PCDH15: variants seen among roughly 807,000 people sequenced by gnomAD.
The protein encoded by PCDH15 is protocadherin-15.
In PCDH15, 129 loss-of-function variants were observed where a neutral mutation model predicts 178.5. The ratio of observed to expected loss-of-function variants is 0.72; its 90% CI spans 0.63 to 0.84. The LOEUF is 0.84. PCDH15 is among the 40% of genes least tolerant of loss of function. The probability of loss-of-function intolerance (pLI) is 0.00; values close to 1 mark genes in which losing one functional copy is unlikely to be tolerated. For synonymous variants in PCDH15, 800 were observed against 732.0 expected (o/e 1.09, Z -1.50); for missense variants, 2,230 against 2,099.9 (o/e 1.06, Z -1.21).
At chr10:55,197,212 A>T (rs1007627034) in intron 1 of PCDH15, among the ~76,000 whole-genome samples, 3 of 152,040 alleles carry the variant, frequency 2.0e-5, no homozygotes, top group African/African-American at 7.2e-5. Context: ...AGCACTATTC[A>T]TTTATATCAC....
At position 54,794,838 on chromosome 10, in the gene PCDH15, A is replaced by G. The variant is rs143236565; in HGVS notation, c.-29+6087T>C. ...AAACCAAACTCTTGCATTCATTCCTAGATTGCTTTTTTTAAAACATAGTCA... is the reference window on the plus strand; with the variant it reads ...AAACCAAACTCTTGCATTCATTCCTGGATTGCTTTTTTTAAAACATAGTCA... On this transcript the variant is annotated intron_variant, in intron 1 of 37. Transcript: ENST00000644397. 6.7e-3 allele frequency among the ~76,000 whole-genome samples: 1,022 copies of G among 152,002 alleles called. 14 individuals carry two copies. Among genetic ancestry groups the G allele is most frequent in the African/African-American group, 0.024 (977 of 41,520 alleles).
At chr10:54,968,595 G>A (rs1387131510) in intron 2 of PCDH15, among the ~76,000 whole-genome samples, 1 of 151,986 alleles carries the variant, frequency 6.6e-6, no homozygotes, top group Non-Finnish European at 1.5e-5. Flanking sequence ...TTTTTATTAT[G>A]ATGTGTCTTA....
intron 13 of PCDH15, among the ~76,000 whole-genome samples, chr10:54,155,992 T>C (rs1049473781): frequency 3.7e-4 from 56 of 152,220 alleles, no homozygotes; most frequent in African/African-American, 1.3e-3. Context: ...ATGAAGCTCA[T>C]TTCTAATTTA....
chr10:54,307,060 A>G (rs1253201301), intron 8 of PCDH15, among the ~76,000 whole-genome samples: 1 of 9,056 alleles, frequency 1.1e-4, no homozygotes, highest in African/African-American at 4.1e-4. Context: ...ATATATATAT[A>G]TATATATATA....
chr10:54,746,675 T>C (rs371142149), intron 1 of PCDH15, among the ~76,000 whole-genome samples: 1 of 152,162 alleles, frequency 6.6e-6, no homozygotes, highest in African/African-American at 2.4e-5. Flanking sequence ...ATCTTAGTGG[T>C]CACAACCAGT....
chr10:54,189,062 G>T (rs952903366), intron 11 of PCDH15, among the ~76,000 whole-genome samples: 1 of 151,874 alleles, frequency 6.6e-6, no homozygotes, highest in African/African-American at 2.4e-5. Flanking sequence ...TGTGGACTGA[G>T]AAAACATTAA....
At chr10:54,421,798 G>T (rs1955412227) in intron 3 of PCDH15, among the ~76,000 whole-genome samples, 6 of 113,548 alleles carry the variant, frequency 5.3e-5, no homozygotes, top group Admixed American at 2.8e-4. Context: ...CATTTATATA[G>T]GTACATGTGT....
At chr10:54,816,466 A>G (rs1191683637) in intron 3 of PCDH15, among the ~76,000 whole-genome samples, 1 of 152,106 alleles carries the variant, frequency 6.6e-6, no homozygotes, top group Non-Finnish European at 1.5e-5. Flanking sequence ...AAGAAAGCCA[A>G]CATAAATCAC....
intron 1 of PCDH15, among the ~76,000 whole-genome samples, chr10:54,797,598 T>C (rs1372096215): frequency 6.6e-6 from 1 of 151,898 alleles, no homozygotes; most frequent in Non-Finnish European, 1.5e-5. Context: ...ATTAATTGTA[T>C]TTAAAATTAT....
At chr10:55,046,687 T>G (rs975722687) in intron 2 of PCDH15, among the ~76,000 whole-genome samples, 1 of 152,016 alleles carries the variant, frequency 6.6e-6, no homozygotes, top group South Asian at 2.1e-4. Flanking sequence ...AAAAGGCAGA[T>G]GAGGAATTTG....
intron 2 of PCDH15, among the ~76,000 whole-genome samples, chr10:55,035,221 G>A (rs931074060): frequency 6.6e-5 from 10 of 151,900 alleles, no homozygotes; most frequent in African/African-American, 1.9e-4. Flanking sequence ...CATGTTGAGT[G>A]GATAATTAAA....
intron 2 of PCDH15, among the ~76,000 whole-genome samples, chr10:55,392,734 A>G (rs1740054471): frequency 1.3e-5 from 2 of 152,082 alleles, no homozygotes; most frequent in South Asian, 4.1e-4. Context: ...TTGGTTAAAT[A>G]AACAAAATTT....
chr10:54,653,725 C>T (rs948232893), intron 2 of PCDH15, among the ~76,000 whole-genome samples: 1 of 152,152 alleles, frequency 6.6e-6, no homozygotes, highest in Non-Finnish European at 1.5e-5. Flanking sequence ...CAGTGTTATT[C>T]AAATTTTTCC....
intron 1 of PCDH15, among the ~76,000 whole-genome samples, chr10:55,283,027 T>C (rs1043600667): frequency 6.6e-6 from 1 of 152,296 alleles, no homozygotes; most frequent in African/African-American, 2.4e-5. Context: ...GGGACCACAC[T>C]GCCTTTGCAG....
rs558989386 is a variant in PCDH15, at chr10:53,988,992, GA to G, written c.2868+6656del. The stretch of plus-strand genomic sequence containing the variant: ...CTGTCACAAGGTCAAACATCTATGG[GA>G]AAAAAATGTGATGTGCAAAAACTAA... On this transcript the variant is annotated intron_variant, in intron 21 of 37. Transcript: ENST00000644397. Among the ~76,000 whole-genome samples the G allele has an allele frequency of 5.3e-5, 8 of 152,188 alleles. No homozygotes were observed. In the East Asian group the frequency reaches 1.4e-3, roughly 26 times the overall value.
intron 2 of PCDH15, among the ~76,000 whole-genome samples, chr10:55,355,341 T>C (rs1588948490): frequency 6.6e-6 from 1 of 152,144 alleles, no homozygotes; most frequent in East Asian, 1.9e-4. Context: ...TCGAGTGTTT[T>C]CCAGCGTCCC....
intron 2 of PCDH15, among the ~76,000 whole-genome samples, chr10:54,559,277 G>A (rs1316354776): frequency 6.6e-6 from 1 of 151,982 alleles, no homozygotes; most frequent in Non-Finnish European, 1.5e-5. Flanking sequence ...TAATGCTCCT[G>A]TGAGTCTGAA....
chr10:55,135,971 T>G (rs1838185425), intron 2 of PCDH15, among the ~76,000 whole-genome samples: 1 of 152,128 alleles, frequency 6.6e-6, no homozygotes, highest in African/African-American at 2.4e-5. Context: ...CAGGAACAGA[T>G]TCATCCTTTT....
chr10:55,041,734 G>A (rs1009877058), intron 2 of PCDH15, among the ~76,000 whole-genome samples: 7 of 151,984 alleles, frequency 4.6e-5, no homozygotes, highest in South Asian at 2.1e-4. Context: ...AAATACATTG[G>A]GATTAATTTT....
Sources: allele counts gnomAD v4.1 joint callset (sites outside exome capture counted in the v4.1 genomes callset), GRCh38; gene constraint gnomAD v4.1.1; transcripts MANE v1.5; gene names NCBI Gene and HGNC (gene_info 2026-07-23, HGNC 2026-07-21).